Variants in ADAMTS12 observed in about 807,000 individuals in gnomAD.
The protein encoded by ADAMTS12 is ADAM metallopeptidase with thrombospondin type 1 motif 12, also known as A disintegrin and metalloproteinase with thrombospondin motifs 12.
ADAMTS12 carries 118 observed loss-of-function variants against 167.8 expected under a neutral mutation model. The ratio of observed to expected loss-of-function variants is 0.70; its 90% CI spans 0.61 to 0.82. ADAMTS12 has a LOEUF of 0.82. Ranked by LOEUF, ADAMTS12 falls within the 40% of genes least tolerant of loss-of-function variation. The probability of loss-of-function intolerance (pLI) is 0.00; values close to 1 mark genes in which losing one functional copy is unlikely to be tolerated. For synonymous variants in ADAMTS12, 704 were observed against 716.9 expected, an observed-to-expected ratio of 0.98 and a Z score of 0.29; for missense variants, 1,916 against 1,998.8, an observed-to-expected ratio of 0.96 and a Z score of 0.79.
intron 18 of ADAMTS12, among the ~76,000 whole-genome samples, chr5:33,577,949 C>T (rs1746842521): frequency 6.6e-6 from 1 of 152,174 alleles, no homozygotes; most frequent in South Asian, 2.1e-4. Context: ...AACAGGCCTT[C>T]CTCAGGATAC....
intron 7 of ADAMTS12, among the ~76,000 whole-genome samples, chr5:33,652,029 C>T (rs1296767314): frequency 6.6e-6 from 1 of 152,072 alleles, no homozygotes; most frequent in African/African-American, 2.4e-5. Context: ...TTTTCATTAT[C>T]CAGTCATCTG....
chr5:33,857,247 C>T (rs1377581019), intron 2 of ADAMTS12, among the ~76,000 whole-genome samples: 1 of 151,958 alleles, frequency 6.6e-6, no homozygotes, highest in Non-Finnish European at 1.5e-5. Flanking sequence ...ATGGTGGTTG[C>T]CAGAGCCTGG....
At chr5:33,720,580 C>A (rs982228022) in intron 3 of ADAMTS12, among the ~76,000 whole-genome samples, 5 of 152,160 alleles carry the variant, frequency 3.3e-5, no homozygotes, top group African/African-American at 4.8e-5. Context: ...CTGAGGTGAG[C>A]AGCAACAGTA....
intron 3 of ADAMTS12, among the ~76,000 whole-genome samples, chr5:33,737,110 C>A (rs940427199): frequency 6.6e-6 from 1 of 152,124 alleles, no homozygotes. Flanking sequence ...CAAGTACCTG[C>A]GTTCTGTTTG....
chr5:33,869,024 A>C (rs1178204208), intron 2 of ADAMTS12, among the ~76,000 whole-genome samples: 1 of 152,164 alleles, frequency 6.6e-6, no homozygotes, highest in Non-Finnish European at 1.5e-5. Context: ...AAGAGAACTG[A>C]ATGTTAATAG....
Position 33,637,762 on chromosome 5 carries a change from A to G in ADAMTS12, c.1719-16T>C. On this transcript the variant is annotated splice_polypyrimidine_tract_variant and intron_variant, in intron 11 of 23. Transcript: ENST00000504830. ...AAACTTTGGCCTGCAAATGAAACAG[A>G]CAAGCTTTTCTTTTAGTTTGCTTCA... The G allele has an allele frequency of 1.9e-6, 3 of 1,610,682 alleles. No homozygotes were observed. Among genetic ancestry groups the G allele is most frequent in the Non-Finnish European group, 2.5e-6 (3 of 1,178,094 alleles).
chr5:33,790,421 C>T (rs572125033), intron 2 of ADAMTS12, among the ~76,000 whole-genome samples: 4 of 152,110 alleles, frequency 2.6e-5, no homozygotes, highest in African/African-American at 7.2e-5. Flanking sequence ...GGCATGGTGG[C>T]GCATGCCTGT....
rs895670454 is a variant in ADAMTS12 at position 33,673,713 on chromosome 5, C to G, written c.915+9305G>C. Among the ~76,000 whole-genome samples, 7 of 152,114 alleles carry G rather than the reference C, an allele frequency of 4.6e-5. No individual in the cohort carries two copies. The East Asian group carries it at 1.3e-3, about 29-fold the overall frequency. ...CTCAAGATCCTTCGAAGTCTAGCCT[C>G]CAGGAAGCTCTCCTTTCATTTGCAA... On this transcript the variant is annotated intron_variant, in intron 5 of 23. Coordinates refer to ENST00000504830, the MANE Select transcript of ADAMTS12 (RefSeq NM_030955.4).
chr5:33,594,813 T>C (rs1319195590), intron 17 of ADAMTS12, among the ~76,000 whole-genome samples: 4 of 152,194 alleles, frequency 2.6e-5, no homozygotes, highest in African/African-American at 9.6e-5. Flanking sequence ...CCTGCCTGTT[T>C]GGACTGCTAA....
At chr5:33,723,390 C>T (rs1743869979) in intron 3 of ADAMTS12, among the ~76,000 whole-genome samples, 1 of 152,160 alleles carries the variant, frequency 6.6e-6, no homozygotes, top group Non-Finnish European at 1.5e-5. Context: ...CCAAACACCT[C>T]TATTTCTTCT....
rs960188104 is a variant in ADAMTS12, at chr5:33,524,531, A to T, written c.*2657T>A. 2.0e-5 allele frequency: 3 copies of T among 152,228 alleles called. No homozygotes were observed. The highest frequency in any genetic ancestry group is 4.4e-5 in the Non-Finnish European group (3 of 68,040). The allele number at this position is 152,228 out of a possible 1,614,324, so 9.4% of individuals were successfully genotyped here. On this transcript the variant is annotated 3_prime_UTR_variant, in exon 24 of 24. Coordinates refer to ENST00000504830, the MANE Select transcript of ADAMTS12 (RefSeq NM_030955.4). ...AGAAGGGCCTAGATAAAGTAAATCA[A>T]CAACTCTGCTTCATATCAGCACCCA...
intron 2 of ADAMTS12, among the ~76,000 whole-genome samples, chr5:33,873,632 G>A (rs1455110805): frequency 6.6e-6 from 1 of 152,086 alleles, no homozygotes. Context: ...GAGAAGTGGA[G>A]AACTGACACT....
intron 19 of ADAMTS12, 37 bp from the exon 20 acceptor site, chr5:33,561,216 T>C (rs1357139966): frequency 6.2e-7 from 1 of 1,604,008 alleles, no homozygotes; most frequent in African/African-American, 1.3e-5. Flanking sequence ...AGAGGCTGAG[T>C]GTCACCTTCT....
intron 3 of ADAMTS12, among the ~76,000 whole-genome samples, chr5:33,690,520 G>A (rs1356174867): frequency 6.6e-6 from 1 of 151,592 alleles, no homozygotes; most frequent in Non-Finnish European, 1.5e-5. Context: ...GCCTGACACT[G>A]CACTCACTTC....
intron 2 of ADAMTS12, among the ~76,000 whole-genome samples, chr5:33,789,678 G>A (rs186235469): frequency 5.3e-5 from 8 of 152,314 alleles, no homozygotes; most frequent in African/African-American, 1.4e-4. Context: ...CACACACAGC[G>A]TTCTTGACAG....
intron 2 of ADAMTS12, among the ~76,000 whole-genome samples, chr5:33,878,876 G>C (rs1298339406): frequency 2.0e-5 from 3 of 152,126 alleles, no homozygotes; most frequent in African/African-American, 7.2e-5. Flanking sequence ...GTTGAGCCAG[G>C]GTTAACAACG....
chr5:33,763,641 T>C (rs1019160653), intron 2 of ADAMTS12, among the ~76,000 whole-genome samples: 2 of 152,226 alleles, frequency 1.3e-5, no homozygotes, highest in Non-Finnish European at 2.9e-5. Context: ...CAAAGGTCCA[T>C]GACATTAGGG....
At chr5:33,770,610 A>G (rs536374583) in intron 2 of ADAMTS12, among the ~76,000 whole-genome samples, 1 of 152,296 alleles carries the variant, frequency 6.6e-6, no homozygotes, top group African/African-American at 2.4e-5. Flanking sequence ...CTTTAGGCCC[A>G]GGAGAGGATG....
intron 16 of ADAMTS12, among the ~76,000 whole-genome samples, chr5:33,601,319 A>C (rs888291326): frequency 7.9e-5 from 12 of 152,106 alleles, no homozygotes; most frequent in Admixed American, 7.9e-4. Context: ...GTGAGGACAA[A>C]ATGATGTATG....
Sources: allele counts gnomAD v4.1 joint callset (sites outside exome capture counted in the v4.1 genomes callset), GRCh38; gene constraint gnomAD v4.1.1; transcripts MANE v1.5; gene names NCBI Gene and HGNC (gene_info 2026-07-23, HGNC 2026-07-21).